Variants in LDHB observed in about 807,000 individuals in gnomAD.
LDHB encodes L-lactate dehydrogenase B chain.
LDHB carries 18 observed loss-of-function variants against 33.4 expected under a neutral mutation model. The ratio of observed to expected loss-of-function variants is 0.54; its 90% confidence interval spans 0.37 to 0.80. The LOEUF is 0.80. LDHB is among the 30% of genes least tolerant of loss of function. LDHB has a pLI of 0.00. For synonymous variants in LDHB, 121 were observed against 140.6 expected (o/e 0.86, Z 0.98); for missense variants, 345 against 407.9 (o/e 0.85, Z 1.33).
intron 2 of LDHB, among the ~76,000 whole-genome samples, chr12:21,649,459 A>T (rs951074952): frequency 6.6e-6 from 1 of 152,228 alleles, no homozygotes; most frequent in African/African-American, 2.4e-5. Context: ...CATATTTTAT[A>T]CAATGAATTT....
At chr12:21,636,937 T>C (rs1591826058) in intron 7 of LDHB, 134 bp downstream of exon 7, 4 of 801,894 alleles carry the variant, frequency 5.0e-6, no homozygotes, top group African/African-American at 1.7e-5. Flanking sequence ...AAAATGAGAA[T>C]AGTTTACATA....
intron 2 of LDHB, among the ~76,000 whole-genome samples, chr12:21,651,822 T>G (rs7135799): frequency 0.94 from 143,905 of 152,284 alleles, 68,500 homozygotes; most frequent in East Asian, 1. Flanking sequence ...ATTGGTAAAA[T>G]CATCTTTCAA....
intron 3 of LDHB, among the ~76,000 whole-genome samples, chr12:21,646,119 C>T (rs1414755547): frequency 6.6e-6 from 1 of 152,138 alleles, no homozygotes; most frequent in African/African-American, 2.4e-5. Flanking sequence ...AAACTGCCAA[C>T]ACCAGATTCA....
Position 21,638,404 on chromosome 12 carries a change from G to T in LDHB, c.662C>A (p.Thr221Asn). ...CTTCCAATTTTCACTATCATTGTCA[G>T]TTCCCATTTCTGGATTCAATTCCTG... The part of the protein sequence containing the change: ...SLQELNPEMG[T>N]DNDSENWKEV... Residue 221 changes from threonine to asparagine, a missense_variant, in exon 6 of 8, where the codon ACT becomes AAT. Thr to Asn is a moderately conservative substitution (Grantham distance 65). Transcript: ENST00000350669. 6.2e-7 allele frequency: 1 copy of T among 1,609,590 alleles called. No individual in the cohort carries two copies. Among genetic ancestry groups the T allele is most frequent in the Non-Finnish European group, 8.5e-7 (1 of 1,178,066 alleles).
intron 2 of LDHB, 49 bp from the exon 3 acceptor site, chr12:21,647,065 G>A (rs1540405): frequency 9.7e-7 from 1 of 1,032,962 alleles, no homozygotes; most frequent in Non-Finnish European, 1.5e-6. Context: ...TCTAGGATGC[G>A]TCAGCTCACA....
chr12:21,637,387 A>C (rs1471357124), intron 6 of LDHB, 193 bp from the exon 7 acceptor site: 1 of 545,752 alleles, frequency 1.8e-6, no homozygotes, highest in Non-Finnish European at 3.3e-6. Flanking sequence ...TAAGCACTAC[A>C]CAGTAAACAC....
At chr12:21,655,356 G>A (rs1009811175) in intron 1 of LDHB, among the ~76,000 whole-genome samples, 1 of 152,046 alleles carries the variant, frequency 6.6e-6, no homozygotes, top group Non-Finnish European at 1.5e-5. Flanking sequence ...ACTAAGTTTG[G>A]GTCTAGTATT....
intron 5 of LDHB, among the ~76,000 whole-genome samples, chr12:21,640,200 CAG>C (rs1433597112): frequency 6.6e-6 from 1 of 150,994 alleles, no homozygotes; most frequent in Non-Finnish European, 1.5e-5. Context: ...GTTTAATAAA[CAG>C]ATTTAGATCT....
rs1938439478 is a variant in LDHB at position 21,643,924 on chromosome 12, T to C, written c.421+11A>G. The C allele has an allele frequency of 1.3e-6, 2 of 1,583,480 alleles. No individual in the cohort carries two copies. Among genetic ancestry groups the C allele is most frequent in the Middle Eastern group, 1.7e-4 (1 of 6,008 alleles). On this transcript the variant is annotated intron_variant, in intron 4 of 7. Coordinates refer to ENST00000350669, the MANE Select transcript of LDHB (RefSeq NM_002300.8). Reference sequence around the variant, plus strand: ...CTTAACAGAACAGAGACTTAAAGTATACAATAATACCTGGGTTGGAAACCA... The same window carrying C: ...CTTAACAGAACAGAGACTTAAAGTACACAATAATACCTGGGTTGGAAACCA...
intron 5 of LDHB, among the ~76,000 whole-genome samples, chr12:21,640,493 T>A (rs1938346124): frequency 5.3e-5 from 8 of 152,040 alleles, no homozygotes; most frequent in Non-Finnish European, 8.8e-5. Context: ...TAGTTATAAT[T>A]AATAGTTTAT....
chr12:21,648,811 G>A (rs1938600189), intron 2 of LDHB, among the ~76,000 whole-genome samples: 1 of 152,172 alleles, frequency 6.6e-6, no homozygotes, highest in South Asian at 2.1e-4. Context: ...TGCTTGTGAG[G>A]GTTTCTCTAA....
intron 4 of LDHB, 76 bp from the exon 5 acceptor site, chr12:21,642,201 C>G: frequency 9.8e-7 from 1 of 1,017,252 alleles, no homozygotes; most frequent in South Asian, 1.3e-5. Context: ...GGTGCCCTGG[C>G]TTCCCTTTTC....
chr12:21,647,873 T>A (rs1938572016), intron 2 of LDHB, among the ~76,000 whole-genome samples: 1 of 152,092 alleles, frequency 6.6e-6, no homozygotes, highest in Non-Finnish European at 1.5e-5. Context: ...ATTTTTGTAT[T>A]TTTAGTAGAG....
intron 2 of LDHB, among the ~76,000 whole-genome samples, chr12:21,652,585 T>C (rs1433854028): frequency 6.6e-6 from 1 of 151,782 alleles, no homozygotes; most frequent in Non-Finnish European, 1.5e-5. Context: ...TCTTAAATGG[T>C]AGTTACCTAG....
At chr12:21,641,919 T>A in intron 5 of LDHB, 33 bp downstream of exon 5, 1 of 1,574,016 alleles carries the variant, frequency 6.4e-7, no homozygotes, top group Non-Finnish European at 8.7e-7. Context: ...AAAACCAACA[T>A]CACAAGTAAT....
At position 21,642,069 on chromosome 12, in the gene LDHB, T is replaced by C; in HGVS notation, c.478A>G (p.Ile160Val). Residue 160 changes from isoleucine (I) to valine (V), a missense_variant, in exon 5 of 8, where the codon ATT (isoleucine) becomes GTT (valine). Transcript: ENST00000350669. The stretch of plus-strand genomic sequence containing the variant: ...GAATCCAGATTACATCCACTTCCAA[T>C]CACGCGGTGTTTGGGTAATCCACTT... Reference protein sequence around the residue: ...KLSGLPKHRVIGSGCNLDSAR... With the variant: ...KLSGLPKHRVVGSGCNLDSAR... 6.2e-7 allele frequency: 1 copy of C among 1,612,922 alleles called. No individual in the cohort carries two copies. Among genetic ancestry groups the C allele is most frequent in the Non-Finnish European group, 8.5e-7 (1 of 1,179,094 alleles).
intron 2 of LDHB, among the ~76,000 whole-genome samples, chr12:21,651,246 G>A (rs1446977386): frequency 6.6e-6 from 1 of 152,226 alleles, no homozygotes; most frequent in Admixed American, 6.5e-5. Flanking sequence ...AACAGGCAGG[G>A]AGGATTTGTG....
chr12:21,641,397 G>A (rs144310760), intron 5 of LDHB, among the ~76,000 whole-genome samples: 1 of 152,004 alleles, frequency 6.6e-6, no homozygotes, highest in African/African-American at 2.4e-5. Flanking sequence ...TAAAATGATG[G>A]GCATTCCACA....
chr12:21,643,706 G>C (rs1938433962), intron 4 of LDHB: 5 of 525,448 alleles, frequency 9.5e-6, no homozygotes, highest in Admixed American at 3.4e-5. Flanking sequence ...GCCAGATGAA[G>C]CAAAAACATG....
Sources: gnomAD v4.1 joint callset for allele counts (sites outside exome capture counted in the v4.1 genomes callset) on GRCh38, gnomAD v4.1.1 for gene constraint, MANE v1.5 for transcripts, NCBI Gene and HGNC (gene_info 2026-07-23, HGNC 2026-07-21) for gene names.